CDH20: variants seen among roughly 807,000 people sequenced by gnomAD.
The protein encoded by CDH20 is cadherin 20, also known as cadherin-20.
A neutral mutation model predicts 74.2 loss-of-function variants in CDH20; 29 were observed. That is an observed-to-expected ratio of 0.39 (90% CI 0.29 to 0.53). The LOEUF is 0.53. Ranked by LOEUF, CDH20 falls within the 20% of genes least tolerant of loss-of-function variation. The pLI, the probability that CDH20 is intolerant of heterozygous loss-of-function variation, is 0.69. For missense variants in CDH20, 988 were observed against 1,048.3 expected (o/e 0.94, Z 0.79); for synonymous variants, 469 against 405.4 (o/e 1.16, Z -1.88).
At chr18:61,351,862 A>G (rs1462419341) in intron 1 of CDH20, among the ~76,000 whole-genome samples, 1 of 152,180 alleles carries the variant, frequency 6.6e-6, no homozygotes, top group African/African-American at 2.4e-5. Flanking sequence ...CACATGGTAG[A>G]TTCTCAATAC....
At chr18:61,481,288 A>G (rs1161019164) in intron 1 of CDH20, among the ~76,000 whole-genome samples, 1 of 152,218 alleles carries the variant, frequency 6.6e-6, no homozygotes, top group Non-Finnish European at 1.5e-5. Context: ...GTAGGAAGTT[A>G]AAAATACATA....
chr18:61,402,369 A>G (rs9945903), intron 1 of CDH20, among the ~76,000 whole-genome samples: 1,910 of 152,272 alleles, frequency 0.013, 40 homozygotes, highest in African/African-American at 0.044. Context: ...ATAGGACAAC[A>G]TAGATTTCCC....
intron 1 of CDH20, among the ~76,000 whole-genome samples, chr18:61,384,352 G>A (rs898998376): frequency 2.0e-5 from 3 of 152,076 alleles, no homozygotes; most frequent in African/African-American, 7.2e-5. Flanking sequence ...CTGACAATAA[G>A]TTAACACAGG....
intron 1 of CDH20, among the ~76,000 whole-genome samples, chr18:61,397,884 A>T (rs897437914): frequency 1.2e-4 from 18 of 152,350 alleles, no homozygotes; most frequent in African/African-American, 4.1e-4. Context: ...TATTAAAAGA[A>T]GTATTTAGCA....
chr18:61,359,725 G>A (rs910605698), intron 1 of CDH20, among the ~76,000 whole-genome samples: 2 of 152,188 alleles, frequency 1.3e-5, no homozygotes, highest in African/African-American at 4.8e-5. Context: ...AGTTTAACAT[G>A]TTTGGAAACA....
chr18:61,447,600 T>C (rs1909244991), intron 1 of CDH20, among the ~76,000 whole-genome samples: 1 of 152,220 alleles, frequency 6.6e-6, no homozygotes, highest in Non-Finnish European at 1.5e-5. Context: ...ATTTATTAAT[T>C]GCCTTTGAAT....
chr18:61,360,876 A>G (rs1910666372), intron 1 of CDH20, among the ~76,000 whole-genome samples: 1 of 152,206 alleles, frequency 6.6e-6, no homozygotes, highest in African/African-American at 2.4e-5. Context: ...CCCACATTCA[A>G]TACTTCCTCT....
chr18:61,472,940 G>A (rs1164677448), intron 1 of CDH20, among the ~76,000 whole-genome samples: 2 of 152,176 alleles, frequency 1.3e-5, no homozygotes, highest in Non-Finnish European at 2.9e-5. Flanking sequence ...AGATTAGGAC[G>A]GGTTGTGTAC....
chr18:61,461,343 A>C (rs1421139533), intron 1 of CDH20, among the ~76,000 whole-genome samples: 4 of 150,898 alleles, frequency 2.7e-5, no homozygotes, highest in African/African-American at 9.7e-5. Flanking sequence ...AAAAAAAAAA[A>C]AAAAACCAGA....
intron 6 of CDH20, among the ~76,000 whole-genome samples, chr18:61,520,113 A>C (rs1466208829): frequency 6.6e-6 from 1 of 150,474 alleles, no homozygotes. Flanking sequence ...TCAGGAGATC[A>C]AGACCATCCT....
At chr18:61,422,889 G>T (rs531468427) in intron 1 of CDH20, among the ~76,000 whole-genome samples, 14 of 152,116 alleles carry the variant, frequency 9.2e-5, no homozygotes, top group African/African-American at 2.9e-4. Context: ...TGAAAGAGTA[G>T]GAGAAAGTAG....
At position 61,442,225 on chromosome 18, in the gene CDH20, C is replaced by G. The variant is rs541174187; in HGVS notation, c.-152-48177C>G. ...AATTGGCCAGGCATGGTGGCATGTG[C>G]CTGTAGTCCCAGCTACTTGGGAGAC... On this transcript the variant is annotated intron_variant, in intron 1 of 11. Transcript: ENST00000262717. Among the ~76,000 whole-genome samples the G allele has an allele frequency of 3.4e-4, 51 of 152,126 alleles. 1 individual carries two copies. The highest frequency in any genetic ancestry group is 1.2e-3 in the African/African-American group (50 of 41,500).
intron 1 of CDH20, among the ~76,000 whole-genome samples, chr18:61,384,324 C>T (rs746529024): frequency 1.3e-5 from 2 of 152,060 alleles, no homozygotes; most frequent in Non-Finnish European, 2.9e-5. Flanking sequence ...TGATAAATGG[C>T]CCCAGTTCAG....
At chr18:61,346,538 CTTTA>C (rs201199525) in intron 1 of CDH20, among the ~76,000 whole-genome samples, 1,779 of 152,130 alleles carry the variant, frequency 0.012, 16 homozygotes, top group South Asian at 0.038. Flanking sequence ...GACAAGTATT[CTTTA>C]TTTATGAGAG....
intron 1 of CDH20, among the ~76,000 whole-genome samples, chr18:61,464,934 G>A (rs949828595): frequency 2.6e-5 from 4 of 152,152 alleles, no homozygotes; most frequent in African/African-American, 9.7e-5. Flanking sequence ...GAAGCCACTG[G>A]ACATATTTAG....
chr18:61,430,616 C>G (rs1003520152), intron 1 of CDH20, among the ~76,000 whole-genome samples: 5 of 152,046 alleles, frequency 3.3e-5, no homozygotes, highest in Non-Finnish European at 5.9e-5. Flanking sequence ...GAGATTTATC[C>G]CTTCTCTGCC....
chr18:61,546,959 G>C (rs867757936), intron 10 of CDH20, among the ~76,000 whole-genome samples: 1 of 152,220 alleles, frequency 6.6e-6, no homozygotes, highest in African/African-American at 2.4e-5. Context: ...GGGAGGCTGA[G>C]GCAGGAGAAC....
chr18:61,374,650 A>C (rs1239626379), intron 1 of CDH20, among the ~76,000 whole-genome samples: 3 of 152,112 alleles, frequency 2.0e-5, no homozygotes, highest in African/African-American at 7.2e-5. Context: ...AAAATGCTTA[A>C]ACCATTTTTA....
intron 4 of CDH20, among the ~76,000 whole-genome samples, chr18:61,501,907 A>G (rs150543308): frequency 1.2e-4 from 19 of 152,298 alleles, no homozygotes; most frequent in African/African-American, 4.1e-4. Context: ...CTGTAGTGTT[A>G]AGGTCAAAAA....
Sources: gnomAD v4.1 joint callset for allele counts (sites outside exome capture counted in the v4.1 genomes callset) on GRCh38, gnomAD v4.1.1 for gene constraint, MANE v1.5 for transcripts, NCBI Gene and HGNC (gene_info 2026-07-23, HGNC 2026-07-21) for gene names.